GPR158: variants seen among roughly 807,000 people sequenced by gnomAD.
The protein encoded by GPR158 is metabotropic glycine receptor.
In GPR158, 30 loss-of-function variants were observed where a neutral mutation model predicts 78.2. The ratio of observed to expected loss-of-function variants is 0.38; its 90% CI spans 0.29 to 0.52. GPR158 has a LOEUF of 0.52. GPR158 is among the 20% of genes least tolerant of loss of function. The probability of loss-of-function intolerance (pLI) is 0.83; values close to 1 mark genes in which losing one functional copy is unlikely to be tolerated. For missense variants in GPR158, 1,463 were observed against 1,523.5 expected (o/e 0.96, Z 0.66); for synonymous variants, 581 against 591.1 (o/e 0.98, Z 0.25).
chr10:25,389,504 C>T (rs1834265403), intron 2 of GPR158, among the ~76,000 whole-genome samples: 1 of 151,552 alleles, frequency 6.6e-6, no homozygotes, highest in South Asian at 2.1e-4. Flanking sequence ...CACTGCAGAT[C>T]TCCTCTGAGC....
chr10:25,338,412 GTATTATATAT>G (rs1337847057), intron 2 of GPR158, among the ~76,000 whole-genome samples: 1 of 138,958 alleles, frequency 7.2e-6, no homozygotes, highest in Non-Finnish European at 1.5e-5. Context: ...TATATATAAC[GTATTATATAT>G]TATTATATAT....
intron 2 of GPR158, among the ~76,000 whole-genome samples, chr10:25,379,026 A>G (rs1834120979): frequency 6.6e-6 from 1 of 152,112 alleles, no homozygotes; most frequent in Admixed American, 6.5e-5. Flanking sequence ...CCAGAGCTCA[A>G]GTGATCCTCT....
rs1853730528 is a variant in GPR158 at position 25,248,228 on chromosome 10, AT to A, written c.1008+27072del. On this transcript the variant is annotated intron_variant, in intron 2 of 10. Transcript: ENST00000376351. ...ATTCTGGATATTAGCCCTTTGTCAG[AT>A]GAGTAGGTTGTGAAAATTTTCTCCC... 3.3e-5 allele frequency among the ~76,000 whole-genome samples: 5 copies of A among 151,822 alleles called. No individual in the cohort carries two copies. In the South Asian group the frequency reaches 1.0e-3, roughly 31 times the overall value.
intron 2 of GPR158, among the ~76,000 whole-genome samples, chr10:25,313,696 G>C (rs1854803078): frequency 6.6e-6 from 1 of 152,140 alleles, no homozygotes; most frequent in South Asian, 2.1e-4. Context: ...ATTTGGTCAT[G>C]ATGTATACAT....
chr10:25,323,821 C>T (rs1032198754), intron 2 of GPR158, among the ~76,000 whole-genome samples: 32 of 152,110 alleles, frequency 2.1e-4, no homozygotes, highest in Admixed American at 2.1e-3. Context: ...CCTGGCCTAT[C>T]TTAGCTAGAT....
chr10:25,337,872 T>G (rs759893378), intron 2 of GPR158, among the ~76,000 whole-genome samples: 2 of 152,066 alleles, frequency 1.3e-5, no homozygotes, highest in Non-Finnish European at 2.9e-5. Flanking sequence ...TTCATTTCTC[T>G]GATAACTAAT....
intron 4 of GPR158, among the ~76,000 whole-genome samples, chr10:25,436,023 A>T (rs912902632): frequency 1.1e-4 from 16 of 152,214 alleles, no homozygotes; most frequent in Admixed American, 8.5e-4. Flanking sequence ...TAAATTAAAA[A>T]AATGGAAAAC....
intron 2 of GPR158, among the ~76,000 whole-genome samples, chr10:25,230,490 A>G (rs1018915294): frequency 2.0e-5 from 3 of 151,782 alleles, no homozygotes; most frequent in Non-Finnish European, 4.4e-5. Flanking sequence ...ACACTCCAGA[A>G]GAGAAAATTT....
intron 7 of GPR158, among the ~76,000 whole-genome samples, chr10:25,578,091 A>AATAACAATACATACTATGGTACTTAC (rs1473268990): frequency 1.3e-5 from 2 of 152,216 alleles, no homozygotes; most frequent in Non-Finnish European, 2.9e-5. Context: ...CTACATCTAT[A>AATAACAATACATACTATGGTACTTAC]ATAACAATAC....
At chr10:25,484,620 T>A (rs1303198187) in intron 5 of GPR158, among the ~76,000 whole-genome samples, 1 of 152,232 alleles carries the variant, frequency 6.6e-6, no homozygotes, top group South Asian at 2.1e-4. Flanking sequence ...ATGTTGTCTC[T>A]GCAGCAATGT....
intron 3 of GPR158, among the ~76,000 whole-genome samples, chr10:25,399,711 T>A (rs1834414913): frequency 6.6e-6 from 1 of 152,172 alleles, no homozygotes; most frequent in Admixed American, 6.5e-5. Context: ...ACAACCTGAC[T>A]AGGAATATGA....
chr10:25,248,413 G>A (rs1013907827), intron 2 of GPR158, among the ~76,000 whole-genome samples: 1 of 152,232 alleles, frequency 6.6e-6, no homozygotes, highest in Admixed American at 6.5e-5. Flanking sequence ...GAATGGTAAT[G>A]CCTAGGTTTT....
chr10:25,235,972 A>AG (rs1238455902), intron 2 of GPR158, among the ~76,000 whole-genome samples: 1 of 152,084 alleles, frequency 6.6e-6, no homozygotes, highest in Non-Finnish European at 1.5e-5. Context: ...CTGGGATTAC[A>AG]GGCGTGAGCC....
intron 1 of GPR158, among the ~76,000 whole-genome samples, chr10:25,220,218 T>C (rs1222751265): frequency 6.6e-6 from 1 of 152,170 alleles, no homozygotes; most frequent in Non-Finnish European, 1.5e-5. Context: ...AAAGTCCATG[T>C]GTGATAGTGC....
At chr10:25,195,181 A>G (rs187192017) in intron 1 of GPR158, among the ~76,000 whole-genome samples, 1 of 149,428 alleles carries the variant, frequency 6.7e-6, no homozygotes, top group East Asian at 2.0e-4. Context: ...GAGTCATTTT[A>G]TTTCTAAGAT....
At chr10:25,596,884 A>G in intron 10 of GPR158, 95 bp downstream of exon 10, 1 of 992,868 alleles carries the variant, frequency 1.0e-6, no homozygotes, top group South Asian at 1.5e-5. Flanking sequence ...GCATGCATGT[A>G]CACTCATGTT....
At chr10:25,569,609 A>G (rs1224880170) in intron 6 of GPR158, among the ~76,000 whole-genome samples, 1 of 152,162 alleles carries the variant, frequency 6.6e-6, no homozygotes, top group East Asian at 1.9e-4. Flanking sequence ...CCTGCCAACC[A>G]GTTCCCCCTA....
chr10:25,216,230 C>A (rs2130676389), intron 1 of GPR158, among the ~76,000 whole-genome samples: 1 of 152,338 alleles, frequency 6.6e-6, no homozygotes, highest in Non-Finnish European at 1.5e-5. Flanking sequence ...AGCTGATCTA[C>A]AGGCACCTGT....
At chr10:25,425,310 A>C (rs1199229797) in intron 4 of GPR158, among the ~76,000 whole-genome samples, 2 of 152,134 alleles carry the variant, frequency 1.3e-5, no homozygotes, top group Non-Finnish European at 2.9e-5. Context: ...ATAGTGTAAA[A>C]GTGTTCTCTT....
Sources: gnomAD v4.1 joint callset for allele counts (sites outside exome capture counted in the v4.1 genomes callset) on GRCh38, gnomAD v4.1.1 for gene constraint, MANE v1.5 for transcripts, NCBI Gene and HGNC (gene_info 2026-07-23, HGNC 2026-07-21) for gene names.